The following C15orf40 variants were observed in gnomAD, a reference collection of about 807,000 sequenced individuals.
The protein encoded by C15orf40 is chromosome 15 open reading frame 40.
Under a neutral mutation model 13.9 loss-of-function variants are expected in C15orf40, and 9 were observed. That is an observed-to-expected ratio of 0.65 (90% CI 0.39 to 1.13). The LOEUF (loss-of-function observed/expected upper bound fraction) is 1.13, where lower values mean the gene tolerates loss of function less well. Ranked by LOEUF, C15orf40 falls within the 50% of genes most tolerant of loss-of-function variation. The pLI is 0.01. For synonymous variants in C15orf40, 95 were observed against 69.2 expected (o/e 1.37, Z -1.85); for missense variants, 225 against 188.5 (o/e 1.19, Z -1.13).
In C15orf40 at chr15:83,011,267, G is replaced by C. The variant is rs34022661; in HGVS notation, c.111+230C>G. ...GCCCAAGGAGAGCTCGGCTGCCGCC[G>C]GGCCCAGCGCTCAGAAATCACCAGG... is the stretch of plus-strand genomic sequence containing the variant. On this transcript the variant is annotated intron_variant, in intron 1 of 3. Transcript: ENST00000304177. 6.7e-3 allele frequency: 3,035 copies of C among 453,374 alleles called. 25 individuals carry two copies. Among genetic ancestry groups the C allele is most frequent in the Non-Finnish European group, 7.7e-3 (2,025 of 262,078 alleles). 28.1% of individuals were successfully genotyped at this position (453,374 alleles called of 1,614,324 possible).
rs1567086752 is a variant in C15orf40, at chr15:82,995,091, C to T, written c.*10506G>A. The T allele has an allele frequency of 6.6e-6, 1 of 152,034 alleles. No homozygotes were observed. The highest frequency in any genetic ancestry group is 1.9e-4 in the East Asian group (1 of 5,174). The allele number at this position is 152,034 out of a possible 1,614,324, so 9.4% of individuals were successfully genotyped here. A position where few individuals can be genotyped will look rare whatever the true frequency, so the allele number is the denominator to read the frequency against. On this transcript the variant is annotated 3_prime_UTR_variant, in exon 4 of 4. Coordinates refer to ENST00000304177, the MANE Select transcript of C15orf40 (RefSeq NM_144597.3). The stretch of plus-strand genomic sequence containing the variant: ...AGTAGTAGATTACAACACTGGAGCC[C>T]ACAGCAGCCTTGAGAGCAGATTATC...
chr15:83,008,815 T>A, intron 2 of C15orf40, 140 bp from the exon 3 acceptor site: 1 of 941,578 alleles, frequency 1.1e-6, no homozygotes, highest in Non-Finnish European at 1.5e-6. Context: ...AATGAATGAT[T>A]AAACTAATCA....
rs773782702 is a variant in C15orf40 at position 83,004,598 on chromosome 15, G to A, written c.*999C>T. 9 of 897,446 alleles carry A rather than the reference G, an allele frequency of 1.0e-5. No individual in the cohort carries two copies. Among genetic ancestry groups the A allele is most frequent in the Non-Finnish European group, 1.2e-5 (9 of 749,438 alleles). 55.6% of individuals were successfully genotyped at this position (897,446 alleles called of 1,614,324 possible). A position where few individuals can be genotyped will look rare whatever the true frequency, so the allele number is the denominator to read the frequency against. On this transcript the variant is annotated 3_prime_UTR_variant, in exon 4 of 4. Transcript: ENST00000304177. ...ATTCATAAAAACTACTGAATTTGCT[G>A]ATTATTTAAGTTATTAGAGGAAGAT... is the stretch of plus-strand genomic sequence containing the variant.
intron 3 of C15orf40, among the ~76,000 whole-genome samples, chr15:83,007,180 C>T (rs2031732797): frequency 6.6e-6 from 1 of 152,176 alleles, no homozygotes; most frequent in Non-Finnish European, 1.5e-5. Flanking sequence ...AGTGCAAAAC[C>T]ATATTAATGA....
chr15:83,004,799 G>A lies in C15orf40; in HGVS notation c.*798C>T, dbSNP rs536334033. 4.2e-6 allele frequency: 5 copies of A among 1,185,122 alleles called. No homozygotes were observed. The African/African-American group carries it at 8.0e-5, about 19-fold the overall frequency. 73.4% of individuals were successfully genotyped at this position (1,185,122 alleles called of 1,614,324 possible). A position where few individuals can be genotyped will look rare whatever the true frequency, so the allele number is the denominator to read the frequency against. ...GGTAAGACTACAAAGCAGCATAACAGGTTTTCTGTCACTTGTAAACTGGAT... is the reference window on the plus strand; with the variant it reads ...GGTAAGACTACAAAGCAGCATAACAAGTTTTCTGTCACTTGTAAACTGGAT... On this transcript the variant is annotated 3_prime_UTR_variant, in exon 4 of 4. Coordinates refer to ENST00000304177, the MANE Select transcript of C15orf40 (RefSeq NM_144597.3).
At chr15:83,008,346 C>A (rs946348165) in intron 3 of C15orf40, 2 of 487,682 alleles carry the variant, frequency 4.1e-6, no homozygotes, top group African/African-American at 3.9e-5. Context: ...TGGTGAAACT[C>A]CGTCTCTATT....
intron 2 of C15orf40, 69 bp downstream of exon 2, chr15:83,010,168 C>T: frequency 6.3e-7 from 1 of 1,586,214 alleles, no homozygotes; most frequent in Non-Finnish European, 8.6e-7. Context: ...TTTCAGCTAA[C>T]CAAAGCAAAG....
At chr15:83,010,127 G>C (rs913729067) in intron 2 of C15orf40, 110 bp downstream of exon 2, 47 of 1,407,402 alleles carry the variant, frequency 3.3e-5, no homozygotes, top group Non-Finnish European at 4.5e-5. Context: ...TCTAACTGCA[G>C]ATGTGAAAAA....
downstream of C15orf40, among the ~76,000 whole-genome samples, chr15:82,994,565 C>T (rs768433232): frequency 1.3e-5 from 2 of 152,058 alleles, no homozygotes; most frequent in Non-Finnish European, 2.9e-5. Context: ...GAAATAAATA[C>T]TCCCAGTTTA....
chr15:82,997,998 G>C lies in C15orf40; in HGVS notation c.*7599C>G, dbSNP rs1388239424. Reference sequence around the variant, plus strand: ...ACCTCCCTCCCGGACGGGGCGGCTGGCCAGGCGGGGGGCTGACCCCCCCAC... The same window carrying C: ...ACCTCCCTCCCGGACGGGGCGGCTGCCCAGGCGGGGGGCTGACCCCCCCAC... On this transcript the variant is annotated 3_prime_UTR_variant, in exon 4 of 4. Transcript: ENST00000304177. 30 of 139,552 alleles carry C rather than the reference G, an allele frequency of 2.1e-4. No individual in the cohort carries two copies. Among genetic ancestry groups the C allele is most frequent in the African/African-American group, 7.9e-4 (29 of 36,858 alleles). 8.6% of individuals were successfully genotyped at this position (139,552 alleles called of 1,614,324 possible).
At chr15:82,994,464 G>A (rs1296361789), downstream of C15orf40, among the ~76,000 whole-genome samples, 2 of 152,160 alleles carry the variant, frequency 1.3e-5, no homozygotes, top group Non-Finnish European at 2.9e-5. Flanking sequence ...ATCTGGCTGT[G>A]TATGGAAAAC....
chr15:83,010,547 A>C, intron 1 of C15orf40, 184 bp from the exon 2 acceptor site: 1 of 616,764 alleles, frequency 1.6e-6, no homozygotes, highest in Middle Eastern at 2.6e-4. Context: ...TTTTCCCACG[A>C]AGGGTTCCCA....
In C15orf40 at chr15:82,994,948, TTTAGA is replaced by T. The variant is rs1406980471; in HGVS notation, c.*10644_*10648del. ...TTGGCAGAAGTGAATATTGTTAATA[TTTAGA>T]TTAATCATTCAGGATTCAGATATAT... On this transcript the variant is annotated 3_prime_UTR_variant, in exon 4 of 4. Coordinates refer to ENST00000304177, the MANE Select transcript of C15orf40 (RefSeq NM_144597.3). 5 of 152,252 alleles carry T rather than the reference TTTAGA, an allele frequency of 3.3e-5. No homozygotes were observed. The highest frequency in any genetic ancestry group is 1.2e-4 in the African/African-American group (5 of 41,472). 9.4% of individuals were successfully genotyped at this position (152,252 alleles called of 1,614,324 possible). A position where few individuals can be genotyped will look rare whatever the true frequency, so the allele number is the denominator to read the frequency against.
At chr15:83,008,698 T>C (rs1411043808) in intron 2 of C15orf40, 23 bp from the exon 3 acceptor site, 1 of 1,580,302 alleles carries the variant, frequency 6.3e-7, no homozygotes, top group Non-Finnish European at 8.6e-7. Context: ...TAGTGTGGAC[T>C]TTATCCTTAA....
chr15:82,995,289 G>A lies in C15orf40; in HGVS notation c.*10308C>T, dbSNP rs138074313. ...GCTGCACTCCATCATGGTGTGCCCA[G>A]GATGAGGAATAAGTGACACTTCAGC... On this transcript the variant is annotated 3_prime_UTR_variant, in exon 4 of 4. Coordinates refer to ENST00000304177, the MANE Select transcript of C15orf40 (RefSeq NM_144597.3). The A allele has an allele frequency of 8.3e-4, 126 of 152,402 alleles. No homozygotes were observed. The highest frequency in any genetic ancestry group is 3.0e-3 in the African/African-American group (123 of 41,584). The allele number at this position is 152,402 out of a possible 1,614,324, so 9.4% of individuals were successfully genotyped here. A position where few individuals can be genotyped will look rare whatever the true frequency, so the allele number is the denominator to read the frequency against.
rs1156932109 is a variant in C15orf40, at chr15:82,995,324, ACTG to A, written c.*10270_*10272del. 1 of 152,258 alleles carries A rather than the reference ACTG, an allele frequency of 6.6e-6. No individual in the cohort carries two copies. The highest frequency in any genetic ancestry group is 1.5e-5 in the Non-Finnish European group (1 of 68,076). The allele number at this position is 152,258 out of a possible 1,614,324, so 9.4% of individuals were successfully genotyped here. A position where few individuals can be genotyped will look rare whatever the true frequency, so the allele number is the denominator to read the frequency against. Reference sequence around the variant, plus strand: ...TAAGTGACACTTCAGCTGTCGTGACACTGCTGAGGCCTCTGGGTGCCAGAGAAA... The same window carrying A: ...TAAGTGACACTTCAGCTGTCGTGACACTGAGGCCTCTGGGTGCCAGAGAAA... On this transcript the variant is annotated 3_prime_UTR_variant, in exon 4 of 4. Coordinates refer to ENST00000304177, the MANE Select transcript of C15orf40 (RefSeq NM_144597.3).
rs966289354 is a variant in C15orf40, at chr15:83,008,777, T to C, written c.239-102A>G. The C allele has an allele frequency of 7.7e-6, 10 of 1,301,632 alleles. No individual in the cohort carries two copies. The African/African-American group carries it at 1.3e-4, about 17-fold the overall frequency. The allele number at this position is 1,301,632 out of a possible 1,614,324, so 80.6% of individuals were successfully genotyped here. On this transcript the variant is annotated intron_variant, in intron 2 of 3. Transcript: ENST00000304177. ...TTTTTGCATTTGCCTGGCACACAGA[T>C]TTTCAATTAAAAACTGTTGAATGAA...
chr15:83,011,581 C>A lies in C15orf40; in HGVS notation c.27G>T (p.Arg9Ser), dbSNP rs779602909. Residue 9 changes from arginine (R) to serine (S), a missense_variant, in exon 1 of 4, where the codon AGG becomes AGT. Coordinates refer to ENST00000304177, the MANE Select transcript of C15orf40 (RefSeq NM_144597.3). The stretch of plus-strand genomic sequence containing the variant: ...GAGTATTGGGTGTTGCCCGAAGGTG[C>A]CTCAGCCCGCTGCGGAGCCGCAGCA... MLRLRSGL[R>S]HLRATPNTRG... 8.9e-4 allele frequency: 1,424 copies of A among 1,596,418 alleles called. 4 individuals carry two copies. Among genetic ancestry groups the A allele is most frequent in the Non-Finnish European group, 1.1e-3 (1,315 of 1,175,332 alleles).
rs1354287360 is a variant in C15orf40 at position 83,003,779 on chromosome 15, C to T, written c.*1818G>A. On this transcript the variant is annotated 3_prime_UTR_variant, in exon 4 of 4. Coordinates refer to ENST00000304177, the MANE Select transcript of C15orf40 (RefSeq NM_144597.3). ...TCTTTCTTTTTGAGACGGAGTCTCACTCTTGTCGCCGAGGCTGGAGTGCAG... is the reference window on the plus strand; with the variant it reads ...TCTTTCTTTTTGAGACGGAGTCTCATTCTTGTCGCCGAGGCTGGAGTGCAG... The T allele has an allele frequency of 1.3e-5, 2 of 152,254 alleles. No individual in the cohort carries two copies. Among genetic ancestry groups the T allele is most frequent in the African/African-American group, 4.8e-5 (2 of 41,438 alleles). The allele number at this position is 152,254 out of a possible 1,614,324, so 9.4% of individuals were successfully genotyped here.
Sources: allele counts gnomAD v4.1 joint callset (sites outside exome capture counted in the v4.1 genomes callset), GRCh38; gene constraint gnomAD v4.1.1; transcripts MANE v1.5; gene names NCBI Gene and HGNC (gene_info 2026-07-23, HGNC 2026-07-21).